PCDHGA5: variants seen among roughly 807,000 people sequenced by gnomAD.
PCDHGA5 encodes protocadherin gamma-A5.
Under a neutral mutation model 56.7 loss-of-function variants are expected in PCDHGA5, and 36 were observed. The ratio of observed to expected loss-of-function variants is 0.64; its 90% CI spans 0.49 to 0.84. The LOEUF is 0.84. PCDHGA5 is among the 40% of genes least tolerant of loss of function. The pLI, the probability that PCDHGA5 is intolerant of heterozygous loss-of-function variation, is 0.00. For missense variants in PCDHGA5, 1,305 were observed against 1,201.5 expected (o/e 1.09, Z -1.27); for synonymous variants, 563 against 520.2 (o/e 1.08, Z -1.12).
chr5:141,408,328 C>A, intron 1 of PCDHGA5: 1 of 1,613,910 alleles, frequency 6.2e-7, no homozygotes, highest in South Asian at 1.1e-5. Flanking sequence ...AGGAGCTGGC[C>A]AAGGGCTCGG....
chr5:141,446,256 T>C lies in PCDHGA5; in HGVS notation c.2422-48551T>C, dbSNP rs535879308. On this transcript the variant is annotated intron_variant, in intron 1 of 3. Transcript: ENST00000518069. Reference sequence around the variant, plus strand: ...CAAGTGGTAGATCTTCAGTGAAATATTATTAACTGAATAAATACAATGGAT... The same window carrying C: ...CAAGTGGTAGATCTTCAGTGAAATACTATTAACTGAATAAATACAATGGAT... Among the ~76,000 whole-genome samples the C allele has an allele frequency of 2.0e-5, 3 of 152,310 alleles. No homozygotes were observed. The East Asian group carries it at 5.8e-4, about 29-fold the overall frequency.
At chr5:141,500,914 G>T (rs1237339394) in intron 2 of PCDHGA5, among the ~76,000 whole-genome samples, 2 of 151,130 alleles carry the variant, frequency 1.3e-5, no homozygotes, top group Non-Finnish European at 2.9e-5. Flanking sequence ...CTGTCTCCAG[G>T]CTGGGGTGCA....
intron 1 of PCDHGA5, chr5:141,389,566 T>G: frequency 6.2e-7 from 1 of 1,613,278 alleles, no homozygotes; most frequent in Non-Finnish European, 8.5e-7. Context: ...CCACGGGTGC[T>G]GTACCCCGCG....
intron 1 of PCDHGA5, chr5:141,419,960 G>A (rs773071584): frequency 5.0e-6 from 8 of 1,613,960 alleles, no homozygotes; most frequent in South Asian, 4.4e-5. Context: ...CTTGATTTCT[G>A]TGCTCTTTCT....
chr5:141,413,575 G>A lies in PCDHGA5; in HGVS notation c.2421+46824G>A, dbSNP rs762938003. The stretch of plus-strand genomic sequence containing the variant: ...AGAAGTAACTGATATCAATGACAAT[G>A]CTCCAAAATTCCAAGCAGAAAATCT... On this transcript the variant is annotated intron_variant, in intron 1 of 3. Transcript: ENST00000518069. 4.3e-6 allele frequency: 7 copies of A among 1,613,886 alleles called. No individual in the cohort carries two copies. In the South Asian group the frequency reaches 6.6e-5, roughly 15 times the overall value.
intron 1 of PCDHGA5, among the ~76,000 whole-genome samples, chr5:141,473,942 GC>G (rs1443545533): frequency 1.3e-5 from 2 of 152,124 alleles, no homozygotes; most frequent in African/African-American, 4.8e-5. Context: ...AGTAGCTCAG[GC>G]CTGTAGTCCC....
intron 1 of PCDHGA5, chr5:141,418,820 G>A: frequency 6.2e-7 from 1 of 1,613,918 alleles, no homozygotes. Flanking sequence ...AAACATAGAA[G>A]CAAAAGACCG....
At chr5:141,368,582 T>C (rs1765741936) in intron 1 of PCDHGA5, among the ~76,000 whole-genome samples, 1 of 152,032 alleles carries the variant, frequency 6.6e-6, no homozygotes, top group African/African-American at 2.4e-5. Flanking sequence ...TAGGGTAAGG[T>C]GTTTGGGAAA....
Position 141,489,276 on chromosome 5 carries a change from AT to A in PCDHGA5, c.2422-5530del, listed in dbSNP as rs2099684949. 1.9e-6 allele frequency: 3 copies of A among 1,556,004 alleles called. No homozygotes were observed. Among genetic ancestry groups the A allele is most frequent in the Non-Finnish European group, 2.6e-6 (3 of 1,151,570 alleles). ...AGACACTCCCACAGCTCGCTGGGAA[AT>A]GGCAAGTGCTGTGCATGTTGTCCTT... On this transcript the variant is annotated intron_variant, in intron 1 of 3. Coordinates refer to ENST00000518069, the MANE Select transcript of PCDHGA5 (RefSeq NM_018918.3). This position sits in a 1 kb window ranked among gnomAD's most constrained non-coding sequence, Gnocchi z 4.5.
At chr5:141,467,939 A>G (rs2099154812) in intron 1 of PCDHGA5, among the ~76,000 whole-genome samples, 2 of 152,190 alleles carry the variant, frequency 1.3e-5, no homozygotes, top group Admixed American at 6.5e-5. Context: ...GATTACAAGC[A>G]TGAGCCACCA....
intron 1 of PCDHGA5, chr5:141,399,510 C>T: frequency 6.2e-7 from 1 of 1,614,040 alleles, no homozygotes; most frequent in Non-Finnish European, 8.5e-7. Context: ...CCGAAAACAA[C>T]CCTCCTGGGG....
intron 1 of PCDHGA5, chr5:141,468,556 GAT>G (rs754546771): frequency 6.6e-6 from 1 of 151,930 alleles, no homozygotes; most frequent in Non-Finnish European, 1.5e-5. Flanking sequence ...TAACATTTGT[GAT>G]ATAGTAAACA....
rs768509409 is a variant in PCDHGA5 at position 141,489,236 on chromosome 5, G to C, written c.2422-5571G>C. 1 of 1,531,176 alleles carries C rather than the reference G, an allele frequency of 6.5e-7. No homozygotes were observed. 94.8% of individuals were successfully genotyped at this position (1,531,176 alleles called of 1,614,324 possible). On this transcript the variant is annotated intron_variant, in intron 1 of 3. Transcript: ENST00000518069. The surrounding 1 kb of genome is among the most constrained non-coding windows in gnomAD (Gnocchi z 4.5). The stretch of plus-strand genomic sequence containing the variant: ...ACTTACTCTCCACAAAGGGACTTCT[G>C]GGTCATGGGGCCCAAGACACTCCCA...
intron 1 of PCDHGA5, among the ~76,000 whole-genome samples, chr5:141,439,631 A>C (rs1459977985): frequency 2.0e-5 from 3 of 152,214 alleles, no homozygotes; most frequent in Non-Finnish European, 2.9e-5. Context: ...ATCCCCAGAC[A>C]TTCCGGCTTG....
rs114740440 is a variant in PCDHGA5 at position 141,426,595 on chromosome 5, C to T, written c.2421+59844C>T. The T allele has an allele frequency of 4.0e-3, 1,518 of 375,912 alleles. 5 individuals carry two copies. Among genetic ancestry groups the T allele is most frequent in the Non-Finnish European group, 5.9e-3 (1,105 of 185,722 alleles). 23.3% of individuals were successfully genotyped at this position (375,912 alleles called of 1,614,324 possible). ...GTCTTCAAAATCCTCTGTGTCATAC[C>T]CTTAGAGATTGTAGCAGAGAATCCT... On this transcript the variant is annotated intron_variant, in intron 1 of 3. Coordinates refer to ENST00000518069, the MANE Select transcript of PCDHGA5 (RefSeq NM_018918.3).
At chr5:141,460,122 G>A (rs530307574) in intron 1 of PCDHGA5, among the ~76,000 whole-genome samples, 2 of 151,928 alleles carry the variant, frequency 1.3e-5, no homozygotes, top group African/African-American at 4.8e-5. Flanking sequence ...TTTTATATAT[G>A]TAATATATAT....
chr5:141,476,557 C>T lies in PCDHGA5; in HGVS notation c.2422-18250C>T. On this transcript the variant is annotated intron_variant, in intron 1 of 3. Coordinates refer to ENST00000518069, the MANE Select transcript of PCDHGA5 (RefSeq NM_018918.3). This position sits in a 1 kb window ranked among gnomAD's most constrained non-coding sequence, Gnocchi z 7.6. ...AAATGAAATTGGAGATTAGCGAGGC[C>T]GTGGCTCCGGGGACGCGCTTTCCGC... The T allele has an allele frequency of 1.2e-6, 2 of 1,614,222 alleles. No homozygotes were observed. The highest frequency in any genetic ancestry group is 1.3e-5 in the African/African-American group (1 of 75,060).
intron 1 of PCDHGA5, chr5:141,392,777 A>G (rs1226924811): frequency 1.3e-6 from 2 of 1,529,440 alleles, no homozygotes; most frequent in Non-Finnish European, 1.8e-6. Flanking sequence ...ATTTATGCAC[A>G]GTGAAGATTC....
intron 1 of PCDHGA5, among the ~76,000 whole-genome samples, chr5:141,429,660 ATATAT>A (rs1388009014): frequency 1.3e-5 from 2 of 152,336 alleles, no homozygotes; most frequent in African/African-American, 4.8e-5. Flanking sequence ...CCAATTTAAA[ATATAT>A]TATTTTATTT....
Sources: gnomAD v4.1 joint callset for allele counts (sites outside exome capture counted in the v4.1 genomes callset) on GRCh38, gnomAD v4.1.1 for gene constraint, Gnocchi (gnomAD v3.1) non-coding constraint, MANE v1.5 for transcripts, NCBI Gene and HGNC (gene_info 2026-07-23, HGNC 2026-07-21) for gene names.